EYS: variants seen among roughly 807,000 people sequenced by gnomAD.
The protein encoded by EYS is EGF-like photoreceptor maintenance factor.
Under a neutral mutation model 282.1 loss-of-function variants are expected in EYS, and 250 were observed. That is an observed-to-expected ratio of 0.89 (90% CI 0.80 to 0.98). The LOEUF is 0.98. EYS is among the 50% of genes least tolerant of loss of function. The pLI is 0.00. For missense variants in EYS, 4,016 were observed against 3,709.0 expected (o/e 1.08, Z -2.15); for synonymous variants, 1,355 against 1,282.9 (o/e 1.06, Z -1.20).
chr6:64,086,644 G>C (rs1772167106), intron 31 of EYS, among the ~76,000 whole-genome samples: 1 of 152,074 alleles, frequency 6.6e-6, no homozygotes, highest in Non-Finnish European at 1.5e-5. Flanking sequence ...TCCCAAATTT[G>C]AACTCCTCAA....
chr6:64,407,714 G>T (rs2150441084), intron 28 of EYS, among the ~76,000 whole-genome samples: 1 of 152,186 alleles, frequency 6.6e-6, no homozygotes. Flanking sequence ...ACATATATGT[G>T]TATGTATGCA....
chr6:65,668,168 T>C (rs1768264049), intron 1 of EYS, among the ~76,000 whole-genome samples: 1 of 151,930 alleles, frequency 6.6e-6, no homozygotes, highest in Non-Finnish European at 1.5e-5. Flanking sequence ...TAATTAGGTG[T>C]TGTCTTTATA....
intron 23 of EYS, among the ~76,000 whole-genome samples, chr6:64,625,383 CAG>C (rs1767572699): frequency 6.6e-6 from 1 of 152,238 alleles, no homozygotes; most frequent in South Asian, 2.1e-4. Flanking sequence ...TTACAGAAAA[CAG>C]AAATTTATTT....
chr6:64,209,991 C>T, intron 31 of EYS, among the ~76,000 whole-genome samples: 1 of 152,150 alleles, frequency 6.6e-6, no homozygotes, highest in Non-Finnish European at 1.5e-5. Flanking sequence ...TTAATAACTC[C>T]TTAATCTTCT....
chr6:64,507,661 T>C (rs1777253794), intron 26 of EYS, among the ~76,000 whole-genome samples: 1 of 152,160 alleles, frequency 6.6e-6, no homozygotes, highest in East Asian at 1.9e-4. Flanking sequence ...TAAACAATTT[T>C]AAAGGCATAA....
intron 24 of EYS, among the ~76,000 whole-genome samples, chr6:64,601,756 G>T (rs1766768679): frequency 6.6e-6 from 1 of 151,964 alleles, no homozygotes; most frequent in Non-Finnish European, 1.5e-5. Context: ...AATTGCACTT[G>T]AATAAAATTC....
At chr6:64,695,575 T>C (rs937061669) in intron 22 of EYS, among the ~76,000 whole-genome samples, 1 of 141,032 alleles carries the variant, frequency 7.1e-6, no homozygotes, top group South Asian at 2.3e-4. Flanking sequence ...AATCATACTT[T>C]TTTTCTTTTA....
chr6:65,229,410 T>A (rs1368768081), intron 12 of EYS, among the ~76,000 whole-genome samples: 1 of 151,852 alleles, frequency 6.6e-6, no homozygotes, highest in African/African-American at 2.4e-5. Flanking sequence ...AGTAGAGAAC[T>A]GAGCATGGAA....
chr6:63,823,068 A>G (rs1346775754), intron 36 of EYS, among the ~76,000 whole-genome samples: 1 of 152,128 alleles, frequency 6.6e-6, no homozygotes, highest in African/African-American at 2.4e-5. Context: ...TTGATTTTGC[A>G]TTATGTTGAT....
At chr6:64,608,577 A>T (rs1017726186) in intron 24 of EYS, among the ~76,000 whole-genome samples, 1 of 152,130 alleles carries the variant, frequency 6.6e-6, no homozygotes, top group Non-Finnish European at 1.5e-5. Context: ...TAGCAAACGA[A>T]TTGAAAACAT....
intron 12 of EYS, among the ~76,000 whole-genome samples, chr6:65,283,784 A>G (rs1327102024): frequency 1.3e-5 from 2 of 152,050 alleles, no homozygotes; most frequent in African/African-American, 4.8e-5. Context: ...ATAAAGAATT[A>G]TACTTTTCAG....
intron 8 of EYS, among the ~76,000 whole-genome samples, chr6:65,371,708 C>CCT (rs140879689): frequency 2.1e-3 from 251 of 119,142 alleles, no homozygotes; most frequent in South Asian, 6.2e-3. Context: ...TCTCTCTCTC[C>CCT]CTCTCTCTCT....
intron 22 of EYS, among the ~76,000 whole-genome samples, chr6:64,636,381 A>G (rs1031222390): frequency 1.4e-4 from 22 of 152,222 alleles, no homozygotes; most frequent in African/African-American, 5.3e-4. Flanking sequence ...AAAACTGGCT[A>G]GCCATATGTA....
At chr6:64,085,340 G>GCGCGCGCACACACACACACACACA (rs112388321) in intron 31 of EYS, among the ~76,000 whole-genome samples, 5 of 139,888 alleles carry the variant, frequency 3.6e-5, no homozygotes, top group African/African-American at 1.4e-4. Context: ...ACGTGCGCGC[G>GCGCGCGCACACACACACACACACA]CACACACACA....
Position 64,361,211 on chromosome 6 carries a change from G to GTT in EYS, c.6078+27477_6078+27478dup, listed in dbSNP as rs140584034. Among the ~76,000 whole-genome samples, 1,423 of 150,164 alleles carry GTT rather than the reference G, an allele frequency of 9.5e-3. 9 individuals are homozygous for GTT. The highest frequency in any genetic ancestry group is 0.014 in the Middle Eastern group (4 of 294). On this transcript the variant is annotated intron_variant, in intron 29 of 42. Transcript: ENST00000503581. ...CTTTATGATTTAATCAGAAAATATG[G>GTT]TTTTTTTTTGTGCCTACTATGTGCA... is the stretch of plus-strand genomic sequence containing the variant.
chr6:65,502,269 A>G (rs1766482117), intron 2 of EYS, among the ~76,000 whole-genome samples: 1 of 151,824 alleles, frequency 6.6e-6, no homozygotes, highest in Non-Finnish European at 1.5e-5. Flanking sequence ...CATGTGATCC[A>G]ATAATCATAC....
intron 30 of EYS, among the ~76,000 whole-genome samples, chr6:64,275,723 G>A (rs1046777484): frequency 4.6e-5 from 7 of 151,464 alleles, no homozygotes; most frequent in Non-Finnish European, 8.8e-5. Flanking sequence ...TTGGGAGGCC[G>A]AGGCGGGCGG....
At chr6:63,970,374 G>T (rs1440431690) in intron 35 of EYS, among the ~76,000 whole-genome samples, 3 of 152,078 alleles carry the variant, frequency 2.0e-5, no homozygotes, top group African/African-American at 4.8e-5. Flanking sequence ...AGTGGCTCAC[G>T]CCTGTAATCC....
chr6:64,997,428 A>T (rs1391798714), intron 14 of EYS, among the ~76,000 whole-genome samples, 154 bp downstream of exon 14: 6 of 151,880 alleles, frequency 4.0e-5, no homozygotes, highest in African/African-American at 9.7e-5. Flanking sequence ...AAAAAAAAAA[A>T]GTTGCTTGAG....
Sources: allele counts gnomAD v4.1 joint callset (sites outside exome capture counted in the v4.1 genomes callset), GRCh38; gene constraint gnomAD v4.1.1; transcripts MANE v1.5; gene names NCBI Gene and HGNC (gene_info 2026-07-23, HGNC 2026-07-21).